The following BCAT2 variants were observed in gnomAD, a reference collection of about 807,000 sequenced individuals.
BCAT2 encodes branched chain amino acid transaminase 2.
Under a neutral mutation model 52.9 loss-of-function variants are expected in BCAT2, and 44 were observed. The ratio of observed to expected loss-of-function variants is 0.83; its 90% CI spans 0.65 to 1.07. The LOEUF (loss-of-function observed/expected upper bound fraction) is 1.07, where lower values mean the gene tolerates loss of function less well. Ranked by LOEUF, BCAT2 falls within the 50% of genes least tolerant of loss-of-function variation. The pLI is 0.00. For synonymous variants in BCAT2, 215 were observed against 217.1 expected, an observed-to-expected ratio of 0.99 and a Z score of 0.08; for missense variants, 478 against 521.8, an observed-to-expected ratio of 0.92 and a Z score of 0.82.
intron 3 of BCAT2, among the ~76,000 whole-genome samples, chr19:48,802,342 A>C (rs1273821167): frequency 6.6e-6 from 1 of 152,060 alleles, no homozygotes; most frequent in South Asian, 2.1e-4. Flanking sequence ...TCAAGATTAC[A>C]AGCATACATA....
intron 10 of BCAT2, chr19:48,796,218 G>A: frequency 4.8e-6 from 3 of 620,960 alleles, no homozygotes; most frequent in Non-Finnish European, 8.4e-6. Context: ...AGGGCTCCGG[G>A]AGCTCCCAGG....
rs1289388886 is a variant in BCAT2, at chr19:48,800,193, G to A, written c.405C>T (p.Cys135=). Residue 135 remains cysteine (C), a synonymous_variant, in exon 4 of 11, where the codon TGC becomes TGT. Transcript: ENST00000316273. ...GTGGACCGGGACCCCTCACCGGCAG[G>A]CACAGGCGCATGGCTGAGCGCAGCA... The part of the protein sequence containing the change: ...DRMLRSAMRL[C]LPSFDKLELL... The A allele has an allele frequency of 6.2e-7, 1 of 1,613,480 alleles. No individual in the cohort carries two copies. The highest frequency in any genetic ancestry group is 2.2e-5 in the East Asian group (1 of 44,868).
At chr19:48,797,676 T>G in intron 6 of BCAT2, 1 of 284,644 alleles carries the variant, frequency 3.5e-6, no homozygotes, top group Non-Finnish European at 6.8e-6. Flanking sequence ...TCAGCCTCTC[T>G]TGACCTGGTG....
intron 1 of BCAT2, chr19:48,808,321 G>C: frequency 1.1e-6 from 1 of 924,726 alleles, no homozygotes; most frequent in Non-Finnish European, 1.3e-6. Flanking sequence ...GCTGCCCTCA[G>C]AGCCAAGATG....
In BCAT2 at chr19:48,806,506, C is replaced by T. The variant is rs755321686; in HGVS notation, c.300+11G>A. Reference sequence around the variant, plus strand: ...GACAGGGACAGGGAGAGAGGCCGGCCGCCATGCCACCTGCAGGGAGTAGTG... The same window carrying T: ...GACAGGGACAGGGAGAGAGGCCGGCTGCCATGCCACCTGCAGGGAGTAGTG... On this transcript the variant is annotated intron_variant, in intron 3 of 10. Transcript: ENST00000316273. 68 of 1,613,474 alleles carry T rather than the reference C, an allele frequency of 4.2e-5. No individual in the cohort carries two copies. In the South Asian group the frequency reaches 5.6e-4, roughly 13 times the overall value.
At position 48,797,236 on chromosome 19, in the gene BCAT2, C is replaced by T; in HGVS notation, c.793G>A (p.Val265Met). ...TAGACAAAGATGTTCATGGTTCCCA[C>T]CTCGGTGAGCTGGTGGTCGGGCCCA... ...LYGPDHQLTE[V>M]GTMNIFVYWT... is the part of the protein sequence containing the mutation. The change falls in exon 7 of 11, where the codon GTG (valine) becomes ATG (methionine). Residue 265 changes from valine to methionine, a missense_variant. Val to Met is a conservative substitution (Grantham distance 21, BLOSUM62 1). Transcript: ENST00000316273. 2 of 1,613,924 alleles carry T rather than the reference C, an allele frequency of 1.2e-6. No individual in the cohort carries two copies. Among genetic ancestry groups the T allele is most frequent in the Non-Finnish European group, 1.7e-6 (2 of 1,179,932 alleles).
At chr19:48,802,755 A>G (rs1352304644) in intron 3 of BCAT2, among the ~76,000 whole-genome samples, 1 of 152,066 alleles carries the variant, frequency 6.6e-6, no homozygotes, top group Non-Finnish European at 1.5e-5. Context: ...CCTGTACTAG[A>G]TTCTTTATTG....
chr19:48,805,676 C>T (rs983539318), intron 3 of BCAT2, among the ~76,000 whole-genome samples: 11 of 143,640 alleles, frequency 7.7e-5, no homozygotes, highest in African/African-American at 2.9e-4. Flanking sequence ...TCCTCTCCTG[C>T]CATCCCTCCC....
At chr19:48,797,065 C>T (rs763130385) in intron 7 of BCAT2, 43 bp from the exon 8 acceptor site, 47 of 1,611,980 alleles carry the variant, frequency 2.9e-5, no homozygotes, top group Non-Finnish European at 3.7e-5. Context: ...CTCTCACCCC[C>T]TAGCACCGCC....
At chr19:48,797,562 T>TC (rs892941833) in intron 6 of BCAT2, 5 of 559,960 alleles carry the variant, frequency 8.9e-6, no homozygotes, top group Non-Finnish European at 1.6e-5. Context: ...TCTTTTCTTT[T>TC]TTTTTTAAGA....
At chr19:48,797,538 A>T in intron 6 of BCAT2, 1 of 593,960 alleles carries the variant, frequency 1.7e-6, no homozygotes, top group African/African-American at 1.9e-5. Context: ...GTCTCTTCCC[A>T]CTTTTCTTTC....
intron 1 of BCAT2, among the ~76,000 whole-genome samples, chr19:48,809,276 C>T (rs1052441429): frequency 6.6e-6 from 1 of 151,754 alleles, no homozygotes; most frequent in Non-Finnish European, 1.5e-5. Flanking sequence ...AAAGAAAAGA[C>T]GAGACAAAGA....
At chr19:48,797,844 T>A (rs1410451514) in intron 6 of BCAT2, among the ~76,000 whole-genome samples, 1 of 149,678 alleles carries the variant, frequency 6.7e-6, no homozygotes, top group African/African-American at 2.5e-5. Context: ...AGAGTCTTGC[T>A]CTGTCGCCCA....
At position 48,800,286 on chromosome 19, in the gene BCAT2, G is replaced by A. The variant is rs1013364457; in HGVS notation, c.312C>T (p.Gly104=). 5 of 1,613,506 alleles carry A rather than the reference G, an allele frequency of 3.1e-6. No individual in the cohort carries two copies. Among genetic ancestry groups the A allele is most frequent in the Non-Finnish European group, 4.2e-6 (5 of 1,180,036 alleles). The change falls in exon 4 of 11, where the codon GGC becomes GGT. Residue 104 remains glycine (G), a synonymous_variant. Coordinates refer to ENST00000316273, the MANE Select transcript of BCAT2 (RefSeq NM_001190.4). ...SLHYSLQLFE[G]MKAFKGKDQQ... Reference sequence around the variant, plus strand: ...GGTCTTTGCCTTTGAACGCCTTCATGCCCTCAAACAGCTGCGGGGACACGC... The same window carrying A: ...GGTCTTTGCCTTTGAACGCCTTCATACCCTCAAACAGCTGCGGGGACACGC...
chr19:48,809,066 CAAAA>C (rs3057799), intron 1 of BCAT2, among the ~76,000 whole-genome samples: 213 of 28,912 alleles, frequency 7.4e-3, no homozygotes, highest in African/African-American at 0.024. Context: ...GAGTGTCTCT[CAAAA>C]AAAAAAAAAA....
rs769143474 is a variant in BCAT2, at chr19:48,799,711, G to A, written c.659C>T (p.Ala220Val). Reference protein sequence around the residue: ...SLLADPAFIRAWVGGVGNYKL... With the variant: ...SLLADPAFIRVWVGGVGNYKL... ...GTAGTTGCCGACCCCGCCCACCCAG[G>A]CCCGGATGAAGGCTGGGTCGGCCAG... Residue 220 changes from alanine (A) to valine (V), a missense_variant, in exon 6 of 11, where the codon GCC becomes GTC. Physicochemically the swap from Ala to Val is moderately conservative, Grantham distance 64. Coordinates refer to ENST00000316273, the MANE Select transcript of BCAT2 (RefSeq NM_001190.4). This position sits in a 1 kb window ranked among gnomAD's most constrained non-coding sequence, Gnocchi z 5.5. The A allele has an allele frequency of 1.3e-6, 2 of 1,598,576 alleles. No homozygotes were observed. The highest frequency in any genetic ancestry group is 2.3e-5 in the South Asian group (2 of 88,176).
chr19:48,799,874 G>GCGT lies in BCAT2; in HGVS notation c.532-37_532-36insACG. The GCGT allele has an allele frequency of 6.3e-7, 1 of 1,578,504 alleles. No homozygotes were observed. Among genetic ancestry groups the GCGT allele is most frequent in the Non-Finnish European group, 8.6e-7 (1 of 1,162,982 alleles). ...CAAAGGGACAGCGTCAGGAGTCCAG[G>GCGT]CCCCCAGTCCCTTCCCGTCCCCAGG... On this transcript the variant is annotated intron_variant, in intron 5 of 10. Transcript: ENST00000316273. The surrounding 1 kb of genome is among the most constrained non-coding windows in gnomAD (Gnocchi z 5.5).
Position 48,796,632 on chromosome 19 carries a change from G to A in BCAT2, c.1011C>T (p.Gly337=). The change falls in exon 9 of 11, where the codon GGC becomes GGT. Residue 337 remains glycine (G), a synonymous_variant. Coordinates refer to ENST00000316273, the MANE Select transcript of BCAT2 (RefSeq NM_001190.4). ...LEEGRVREVF[G]SGTACQVCPV... ...GGCAGACCTGGCAAGCGGTGCCCGA[G>A]CCAAAGACTTCCCGCACGCGGCCCT... is the stretch of plus-strand genomic sequence containing the variant. 6.2e-7 allele frequency: 1 copy of A among 1,613,734 alleles called. No individual in the cohort carries two copies. The highest frequency in any genetic ancestry group is 1.7e-5 in the Admixed American group (1 of 60,012).
At position 48,807,900 on chromosome 19, in the gene BCAT2, G is replaced by C. The variant is rs1380940866; in HGVS notation, c.25-826C>G. ...CTCCCAGAGGGGAGTAGGAAGAGCA[G>C]GTCTGGCTGTGTCCAGCAGGCTGGG... On this transcript the variant is annotated intron_variant, in intron 1 of 10. Transcript: ENST00000316273. The surrounding 1 kb of genome is among the most constrained non-coding windows in gnomAD (Gnocchi z 4.6). 1 of 985,806 alleles carries C rather than the reference G, an allele frequency of 1.0e-6. No individual in the cohort carries two copies. The highest frequency in any genetic ancestry group is 1.7e-5 in the African/African-American group (1 of 57,362). 61.1% of individuals were successfully genotyped at this position (985,806 alleles called of 1,614,324 possible).
Sources: gnomAD v4.1 joint callset for allele counts (sites outside exome capture counted in the v4.1 genomes callset) on GRCh38, gnomAD v4.1.1 for gene constraint, Gnocchi (gnomAD v3.1) non-coding constraint, MANE v1.5 for transcripts, NCBI Gene and HGNC (gene_info 2026-07-23, HGNC 2026-07-21) for gene names.